SPAG16: variants seen among roughly 807,000 people sequenced by gnomAD.
SPAG16 encodes sperm-associated antigen 16 protein.
SPAG16 carries 86 observed loss-of-function variants against 80.4 expected under a neutral mutation model. That is an observed-to-expected ratio of 1.07 (90% CI 0.90 to 1.28). The LOEUF is 1.28. SPAG16 is among the 50% of genes most tolerant of loss of function. The pLI is 0.00. For synonymous variants in SPAG16, 294 were observed against 265.9 expected, an observed-to-expected ratio of 1.11 and a Z score of -1.03; for missense variants, 870 against 765.3, an observed-to-expected ratio of 1.14 and a Z score of -1.61.
chr2:213,452,289 C>CT (rs1372576972), intron 9 of SPAG16, among the ~76,000 whole-genome samples: 1 of 152,180 alleles, frequency 6.6e-6, no homozygotes, highest in Non-Finnish European at 1.5e-5. Context: ...TAAATGATTT[C>CT]TTTCTATCTC....
At chr2:214,274,973 G>A (rs148520571) in intron 15 of SPAG16, among the ~76,000 whole-genome samples, 144 of 151,996 alleles carry the variant, frequency 9.5e-4, no homozygotes, top group African/African-American at 3.3e-3. Flanking sequence ...TCAATTTCAT[G>A]GCCTGTGATT....
intron 15 of SPAG16, among the ~76,000 whole-genome samples, chr2:214,327,278 TA>T (rs1696564317): frequency 6.6e-6 from 1 of 152,150 alleles, no homozygotes; most frequent in South Asian, 2.1e-4. Flanking sequence ...TAGTTAAGAA[TA>T]AAGGTGAGGC....
chr2:213,702,382 C>T (rs967023427), intron 10 of SPAG16, among the ~76,000 whole-genome samples: 5 of 152,222 alleles, frequency 3.3e-5, no homozygotes, highest in Non-Finnish European at 7.3e-5. Flanking sequence ...CTTGCTGCTG[C>T]TGTTTGGGTC....
intron 10 of SPAG16, among the ~76,000 whole-genome samples, chr2:213,703,033 C>T (rs1259333189): frequency 6.6e-6 from 1 of 152,140 alleles, no homozygotes; most frequent in Non-Finnish European, 1.5e-5. Context: ...ATGAAATGTC[C>T]ATAGAAGTGG....
At chr2:213,405,545 C>G (rs892381399) in intron 9 of SPAG16, among the ~76,000 whole-genome samples, 3 of 152,134 alleles carry the variant, frequency 2.0e-5, no homozygotes, top group Admixed American at 6.5e-5. Flanking sequence ...TATAGTTGCC[C>G]TATGGTGCTC....
intron 15 of SPAG16, among the ~76,000 whole-genome samples, chr2:214,199,827 A>T (rs1394685626): frequency 6.6e-6 from 1 of 152,038 alleles, no homozygotes; most frequent in Non-Finnish European, 1.5e-5. Flanking sequence ...TCCTTGGTTA[A>T]GTATATTCCA....
intron 14 of SPAG16, among the ~76,000 whole-genome samples, chr2:214,140,933 T>TGG (rs56893647): frequency 1.7e-5 from 1 of 59,210 alleles, no homozygotes; most frequent in African/African-American, 6.5e-5. Flanking sequence ...ATCCCATTGG[T>TGG]GGGGGGGGGG....
At chr2:214,220,832 A>C (rs143380924) in intron 15 of SPAG16, among the ~76,000 whole-genome samples, 252 of 152,278 alleles carry the variant, frequency 1.7e-3, no homozygotes, top group Middle Eastern at 0.014. Flanking sequence ...CATGTGCTGA[A>C]GGTATTTTAT....
intron 13 of SPAG16, among the ~76,000 whole-genome samples, chr2:214,071,254 A>G (rs1049463220): frequency 6.6e-5 from 10 of 152,128 alleles, no homozygotes; most frequent in African/African-American, 2.2e-4. Flanking sequence ...TGAATAGGCA[A>G]GGGCTCAAAG....
At chr2:213,654,343 C>T (rs2063132966) in intron 10 of SPAG16, among the ~76,000 whole-genome samples, 1 of 143,770 alleles carries the variant, frequency 7.0e-6, no homozygotes, top group Non-Finnish European at 1.5e-5. Context: ...GACGCTTGAA[C>T]ATCTATTGTT....
At chr2:213,936,314 A>T (rs1384587080) in intron 12 of SPAG16, among the ~76,000 whole-genome samples, 1 of 152,124 alleles carries the variant, frequency 6.6e-6, no homozygotes, top group Non-Finnish European at 1.5e-5. Context: ...GGGCCTTATA[A>T]CCCCTGTCAA....
chr2:213,970,895 A>G (rs1327684626), intron 12 of SPAG16, among the ~76,000 whole-genome samples: 1 of 152,208 alleles, frequency 6.6e-6, no homozygotes, highest in African/African-American at 2.4e-5. Flanking sequence ...GAACAGGTCT[A>G]ATTTTCATTA....
chr2:214,254,666 C>T (rs1162306607), intron 15 of SPAG16, among the ~76,000 whole-genome samples: 1 of 151,942 alleles, frequency 6.6e-6, no homozygotes, highest in African/African-American at 2.4e-5. Context: ...TCTTTCCTTA[C>T]TTAATCTTTT....
chr2:214,186,772 T>G (rs190977790), intron 15 of SPAG16, among the ~76,000 whole-genome samples: 39 of 152,228 alleles, frequency 2.6e-4, no homozygotes, highest in African/African-American at 9.4e-4. Flanking sequence ...TTTTTGTTTT[T>G]TTTTTGAAAT....
intron 15 of SPAG16, among the ~76,000 whole-genome samples, chr2:214,250,497 T>C (rs1389066467): frequency 6.6e-6 from 1 of 150,976 alleles, no homozygotes; most frequent in Non-Finnish European, 1.5e-5. Context: ...ATAAATTCAA[T>C]ATTTTAGTAT....
chr2:214,168,516 C>T (rs965907093), intron 15 of SPAG16, among the ~76,000 whole-genome samples: 1 of 152,032 alleles, frequency 6.6e-6, no homozygotes, highest in Non-Finnish European at 1.5e-5. Flanking sequence ...TGCACACACA[C>T]ACACATTCAT....
chr2:213,338,936 G>A (rs752736525), intron 5 of SPAG16, among the ~76,000 whole-genome samples: 12 of 151,904 alleles, frequency 7.9e-5, no homozygotes, highest in Non-Finnish European at 1.6e-4. Context: ...TAATAGCTAG[G>A]TGATGGGTTG....
chr2:214,109,965 A>G (rs79049168), intron 14 of SPAG16, among the ~76,000 whole-genome samples: 1 of 152,196 alleles, frequency 6.6e-6, no homozygotes, highest in East Asian at 1.9e-4. Flanking sequence ...TTGGCAAGCA[A>G]TATAATAACT....
intron 10 of SPAG16, among the ~76,000 whole-genome samples, chr2:213,675,305 G>GA (rs2064004647): frequency 6.6e-6 from 1 of 152,090 alleles, no homozygotes; most frequent in Non-Finnish European, 1.5e-5. Flanking sequence ...AGATGAGTAG[G>GA]TTGTGAAAAT....
Sources: allele counts gnomAD v4.1 joint callset (sites outside exome capture counted in the v4.1 genomes callset), GRCh38; gene constraint gnomAD v4.1.1; transcripts MANE v1.5; gene names NCBI Gene and HGNC (gene_info 2026-07-23, HGNC 2026-07-21).